PPP1R15A: variants seen among roughly 807,000 people sequenced by gnomAD.
The protein encoded by PPP1R15A is growth arrest and DNA damage-inducible protein GADD34.
In PPP1R15A, 43 loss-of-function variants were observed where a neutral mutation model predicts 48.5. The ratio of observed to expected loss-of-function variants is 0.89; its 90% CI spans 0.69 to 1.14. The LOEUF (loss-of-function observed/expected upper bound fraction) is 1.14, where lower values mean the gene tolerates loss of function less well. Ranked by LOEUF, PPP1R15A falls within the 50% of genes most tolerant of loss-of-function variation. The pLI, the probability that PPP1R15A is intolerant of heterozygous loss-of-function variation, is 0.00. For missense variants in PPP1R15A, 868 were observed against 847.2 expected, an observed-to-expected ratio of 1.02 and a Z score of -0.30; for synonymous variants, 327 against 327.4, an observed-to-expected ratio of 1.00 and a Z score of 0.01.
In PPP1R15A at chr19:48,874,179, G is replaced by C. The variant is rs556052; in HGVS notation, c.946G>C (p.Ala316Pro). ...TGATGAAGAGGAGGGTGAGGTCAAG[G>C]CTTTGGGGGCAGCTGAGAAGGATGG... Reference protein sequence around the residue: ...PSDEEEGEVKALGAAEKDGEA... With the variant: ...PSDEEEGEVKPLGAAEKDGEA... The change falls in exon 2 of 3, where the codon GCT becomes CCT. Residue 316 changes from alanine (A) to proline (P), a missense_variant. Ala to Pro is a conservative substitution (Grantham distance 27). Transcript: ENST00000200453. 564,961 of 1,613,910 alleles carry C rather than the reference G, an allele frequency of 0.35. 107,318 individuals carry two copies. Among genetic ancestry groups the C allele is most frequent in the African/African-American group, 0.73 (55,005 of 74,938 alleles).
chr19:48,872,442 AGTT>A lies in PPP1R15A; in HGVS notation c.-214_-212del, dbSNP rs2037018726. 2 of 456,276 alleles carry A rather than the reference AGTT, an allele frequency of 4.4e-6. No individual in the cohort carries two copies. Among genetic ancestry groups the A allele is most frequent in the South Asian group, 1.5e-5 (1 of 64,556 alleles). The allele number at this position is 456,276 out of a possible 1,614,324, so 28.3% of individuals were successfully genotyped here. On this transcript the variant is annotated 5_prime_UTR_variant, in exon 1 of 3. Transcript: ENST00000200453. ...CGTTGCTCTTATCGGTTCCCATCCC[AGTT>A]GTTGATCTTATGCAAGACGCTGCAC...
rs563384060 is a variant in PPP1R15A at position 48,875,030 on chromosome 19, G to A, written c.1665+132G>A. On this transcript the variant is annotated intron_variant, in intron 2 of 2. Coordinates refer to ENST00000200453, the MANE Select transcript of PPP1R15A (RefSeq NM_014330.5). ...CAACCTCTGCCGCCCAAGTTCAGGC[G>A]ATTCTCGTGCCTCAGCCTCCAGAGT... 49 of 1,128,746 alleles carry A rather than the reference G, an allele frequency of 4.3e-5. 1 individual carries two copies. The highest frequency in any genetic ancestry group is 1.6e-4 in the East Asian group (6 of 37,086). The allele number at this position is 1,128,746 out of a possible 1,614,324, so 69.9% of individuals were successfully genotyped here.
Position 48,874,315 on chromosome 19 carries a change from A to AT in PPP1R15A, c.1082_1083insT (p.Ser362GlnfsTer2), listed in dbSNP as rs2037050903. The stretch of plus-strand genomic sequence containing the variant: ...GAGGAAGATGAGGAAGAAGATGAGG[A>AT]CAGTGACTCTGGATCAGATGAGGAA... On this transcript the variant is annotated frameshift_variant, in exon 2 of 3. Transcript: ENST00000200453. LOFTEE classifies it high-confidence loss of function. 1.2e-6 allele frequency: 2 copies of AT among 1,613,220 alleles called. No individual in the cohort carries two copies. Among genetic ancestry groups the AT allele is most frequent in the Admixed American group, 3.3e-5 (2 of 59,922 alleles).
Position 48,875,704 on chromosome 19 carries a change from G to A in PPP1R15A, c.1756G>A (p.Ala586Thr), listed in dbSNP as rs772407341. The change falls in exon 3 of 3, where the codon GCT (alanine) becomes ACT (threonine). Residue 586 changes from alanine (A) to threonine (T), a missense_variant. By Grantham distance (58) the Ala-to-Thr change is moderately conservative (BLOSUM62 0). Coordinates refer to ENST00000200453, the MANE Select transcript of PPP1R15A (RefSeq NM_014330.5). ...CCGCCAGGGCCCCTGGGAGCAGCTT[G>A]CTCGGGATCGCAGCCGCTTCGCACG... ...AARQGPWEQLARDRSRFARRI... is the reference protein window; with the variant it reads ...AARQGPWEQLTRDRSRFARRI... 2.2e-5 allele frequency: 35 copies of A among 1,612,332 alleles called. No individual in the cohort carries two copies. In the South Asian group the frequency reaches 3.5e-4, roughly 16 times the overall value.
intron 2 of PPP1R15A, 143 bp downstream of exon 2, chr19:48,875,041 C>T (rs551976689): frequency 9.4e-7 from 1 of 1,061,394 alleles, no homozygotes; most frequent in Non-Finnish European, 1.3e-6. Flanking sequence ...ATTCTCGTGC[C>T]TCAGCCTCCA....
At chr19:48,873,192 C>G in intron 1 of PPP1R15A, 33 bp from the exon 2 acceptor site, 2 of 1,447,202 alleles carry the variant, frequency 1.4e-6, no homozygotes, top group Non-Finnish European at 1.8e-6. Flanking sequence ...CTAAATGGCC[C>G]CTAAACTTTA....
At chr19:48,875,342 G>A (rs774374670) in intron 2 of PPP1R15A, 10 of 522,912 alleles carry the variant, frequency 1.9e-5, no homozygotes, top group Admixed American at 6.7e-5. Flanking sequence ...GGCTGTGTAC[G>A]CTGTCACGCA....
rs774080120 is a variant in PPP1R15A, at chr19:48,875,940, GGCTGC to G, written c.1993_1997del (p.Ala665ProfsTer19). On this transcript the variant is annotated frameshift_variant, in exon 3 of 3. Transcript: ENST00000200453. LOFTEE classifies it high-confidence loss of function. ...CTTCCCGCTCGTCTGCTGCTGCAGC[GGCTGC>G]CCTGGACCTCAGTGGGAGGCGTGGC... is the stretch of plus-strand genomic sequence containing the variant. 111 of 1,606,952 alleles carry G rather than the reference GGCTGC, an allele frequency of 6.9e-5. 2 individuals are homozygous for G. In the South Asian group the frequency reaches 1.2e-3, roughly 18 times the overall value.
In PPP1R15A at chr19:48,874,534, A is replaced by G. The variant is rs765515023; in HGVS notation, c.1301A>G (p.Tyr434Cys). Residue 434 changes from tyrosine (Y) to cysteine (C), a missense_variant, in exon 2 of 3, where the codon TAT becomes TGT. By Grantham distance (194) the Tyr-to-Cys change is radical. Transcript: ENST00000200453. Reference protein sequence around the residue: ...PASAFLKAWVYRPGEDTEEEE... With the variant: ...PASAFLKAWVCRPGEDTEEEE... ...AGTGCTTTCTTGAAGGCCTGGGTGT[A>G]TCGGCCAGGAGAGGACACGGAGGAG... The G allele has an allele frequency of 5.6e-6, 9 of 1,614,098 alleles. No individual in the cohort carries two copies. In the East Asian group the frequency reaches 2.0e-4, roughly 36 times the overall value.
At position 48,875,779 on chromosome 19, in the gene PPP1R15A, G is replaced by C. The variant is rs1831596439; in HGVS notation, c.1831G>C (p.Ala611Pro). The change falls in exon 3 of 3, where the codon GCC becomes CCC. Residue 611 changes from alanine (A) to proline (P), a missense_variant. Ala to Pro is a conservative substitution (Grantham distance 27). Transcript: ENST00000200453. ...EELSPCLTPA[A>P]RARAWARLRN... ...GCTGAGCCCCTGCCTCACCCCTGCTGCCCGGGCCAGAGCCTGGGCACGCCT... is the reference window on the plus strand; with the variant it reads ...GCTGAGCCCCTGCCTCACCCCTGCTCCCCGGGCCAGAGCCTGGGCACGCCT... 1.2e-6 allele frequency: 2 copies of C among 1,613,862 alleles called. No homozygotes were observed. Among genetic ancestry groups the C allele is most frequent in the South Asian group, 1.1e-5 (1 of 91,074 alleles).
intron 2 of PPP1R15A, 23 bp downstream of exon 2, chr19:48,874,921 CTATTT>C (rs1568563633): frequency 2.8e-6 from 4 of 1,422,154 alleles, no homozygotes; most frequent in African/African-American, 1.4e-5. Context: ...AGCCCAGATT[CTATTT>C]TTTTTTTTTT....
rs1568563285 is a variant in PPP1R15A, at chr19:48,874,227, A to C, written c.994A>C (p.Ile332Leu). The C allele has an allele frequency of 6.2e-7, 1 of 1,614,154 alleles. No individual in the cohort carries two copies. The highest frequency in any genetic ancestry group is 8.5e-7 in the Non-Finnish European group (1 of 1,180,026). The part of the protein sequence containing the change: ...KDGEAECPPC[I>L]PPPSAFLKAW... ...TGGAGAAGCTGAGTGTCCTCCCTGC[A>C]TCCCCCCACCAAGTGCCTTCCTGAA... Residue 332 changes from isoleucine (I) to leucine (L), a missense_variant, in exon 2 of 3, where the codon ATC becomes CTC. Physicochemically the swap from Ile to Leu is conservative, Grantham distance 5. Transcript: ENST00000200453.
chr19:48,873,192 C>T, intron 1 of PPP1R15A, 33 bp from the exon 2 acceptor site: 1 of 1,447,202 alleles, frequency 6.9e-7, no homozygotes. Context: ...CTAAATGGCC[C>T]CTAAACTTTA....
intron 1 of PPP1R15A, 105 bp downstream of exon 1, chr19:48,872,756 A>T (rs2037023389): frequency 3.5e-6 from 1 of 289,304 alleles, no homozygotes. Flanking sequence ...GGGAGGAGGG[A>T]TCTGGAAGCC....
rs1249705870 is a variant in PPP1R15A, at chr19:48,874,663, C to A, written c.1430C>A (p.Ala477Asp). 6.2e-7 allele frequency: 1 copy of A among 1,613,692 alleles called. No homozygotes were observed. Among genetic ancestry groups the A allele is most frequent in the Non-Finnish European group, 8.5e-7 (1 of 1,179,804 alleles). The change falls in exon 2 of 3, where the codon GCC becomes GAC. Residue 477 changes from alanine (A) to aspartate (D), a missense_variant. Physicochemically the swap from Ala to Asp is moderately radical, Grantham distance 126. Transcript: ENST00000200453. ...CATCCCTCCCACCCGGACCAGAGGGCCCACTTCAGGGGCTGGGGATATCGA... is the reference window on the plus strand; with the variant it reads ...CATCCCTCCCACCCGGACCAGAGGGACCACTTCAGGGGCTGGGGATATCGA... ...DPHPSHPDQR[A>D]HFRGWGYRPG... is the part of the protein sequence containing the mutation.
rs570651435 is a variant in PPP1R15A, at chr19:48,872,695, G to T, written c.-10+44G>T. The T allele has an allele frequency of 9.1e-6, 3 of 330,062 alleles. No homozygotes were observed. The East Asian group carries it at 2.5e-4, about 27-fold the overall frequency. 20.4% of individuals were successfully genotyped at this position (330,062 alleles called of 1,614,324 possible). On this transcript the variant is annotated intron_variant, in intron 1 of 2. Transcript: ENST00000200453. ...CGCCTGGGTCCCCACGGGGCTGGGG[G>T]CCCGGATTTAGAAAGGAGAAGGGGT...
Position 48,872,455 on chromosome 19 carries a change from A to G in PPP1R15A, c.-206A>G, listed in dbSNP as rs182628860. 7 of 456,476 alleles carry G rather than the reference A, an allele frequency of 1.5e-5. No homozygotes were observed. In the Middle Eastern group the frequency reaches 1.6e-3, roughly 106 times the overall value. The allele number at this position is 456,476 out of a possible 1,614,324, so 28.3% of individuals were successfully genotyped here. On this transcript the variant is annotated 5_prime_UTR_variant, in exon 1 of 3. It removes an upstream start codon present in the reference 5' UTR. Transcript: ENST00000200453. The stretch of plus-strand genomic sequence containing the variant: ...GGTTCCCATCCCAGTTGTTGATCTT[A>G]TGCAAGACGCTGCACGACCCCGCGC...
At position 48,873,601 on chromosome 19, in the gene PPP1R15A, C is replaced by T. The variant is rs1757540954; in HGVS notation, c.368C>T (p.Ala123Val). 1.2e-6 allele frequency: 2 copies of T among 1,614,028 alleles called. No individual in the cohort carries two copies. Among genetic ancestry groups the T allele is most frequent in the African/African-American group, 2.7e-5 (2 of 74,922 alleles). ...DDDGMYGERE[A>V]TSVPRGQGSQ... ...GATGGCATGTATGGTGAGCGAGAGG[C>T]AACCAGTGTCCCTAGAGGGCAGGGA... The change falls in exon 2 of 3, where the codon GCA becomes GTA. Residue 123 changes from alanine (A) to valine (V), a missense_variant. Physicochemically the swap from Ala to Val is moderately conservative, Grantham distance 64 (BLOSUM62 0). Coordinates refer to ENST00000200453, the MANE Select transcript of PPP1R15A (RefSeq NM_014330.5).
rs755730793 is a variant in PPP1R15A, at chr19:48,875,924, C to G, written c.1976C>G (p.Ser659Trp). The G allele has an allele frequency of 6.2e-7, 1 of 1,611,362 alleles. No homozygotes were observed. Reference protein sequence around the residue: ...LSQAVATPSRSSAAAAAALDL... With the variant: ...LSQAVATPSRWSAAAAAALDL... ...CAAGCTGTGGCCACACCTTCCCGCT[C>G]GTCTGCTGCTGCAGCGGCTGCCCTG... is the stretch of plus-strand genomic sequence containing the variant. Residue 659 changes from serine to tryptophan, a missense_variant, in exon 3 of 3, where the codon TCG (serine) becomes TGG (tryptophan). Physicochemically the swap from Ser to Trp is radical, Grantham distance 177. Transcript: ENST00000200453.
Sources: allele counts gnomAD v4.1 joint callset, GRCh38; gene constraint gnomAD v4.1.1; transcripts MANE v1.5; gene names NCBI Gene and HGNC (gene_info 2026-07-23, HGNC 2026-07-21).